Variants in NOTCH2 observed in about 807,000 individuals in gnomAD.
NOTCH2 encodes neurogenic locus notch homolog protein 2.
NOTCH2 carries 29 observed loss-of-function variants against 235.8 expected under a neutral mutation model. The ratio of observed to expected loss-of-function variants is 0.12; its 90% CI spans 0.09 to 0.17. The LOEUF is 0.17. Ranked by LOEUF, NOTCH2 falls within the 10% of genes least tolerant of loss-of-function variation. The pLI, the probability that NOTCH2 is intolerant of heterozygous loss-of-function variation, is 1.00. For missense variants in NOTCH2, 2,285 were observed against 3,150.2 expected (o/e 0.73, Z 6.57); for synonymous variants, 1,086 against 1,141.5 (o/e 0.95, Z 0.98).
intron 9 of NOTCH2, among the ~76,000 whole-genome samples, 199 bp downstream of exon 9, chr1:119,966,177 C>T (rs587697445): frequency 4.6e-5 from 7 of 152,312 alleles, no homozygotes; most frequent in Admixed American, 3.9e-4. Flanking sequence ...TAGACTTGGA[C>T]TTTTGGCCAC....
At chr1:119,916,844 C>G (rs1649097776) in intron 33 of NOTCH2, 150 bp from the exon 34 acceptor site, 3 of 814,404 alleles carry the variant, frequency 3.7e-6, no homozygotes, top group African/African-American at 1.7e-5. Context: ...GGCTGTGCCT[C>G]TACCAATGTA....
At chr1:119,950,951 C>A (rs1476985982) in intron 14 of NOTCH2, 114 bp from the exon 15 acceptor site, 11 of 747,362 alleles carry the variant, frequency 1.5e-5, no homozygotes, top group Non-Finnish European at 2.7e-5. Context: ...GCATTCATTT[C>A]TTCAGGCCAC....
chr1:119,929,286 TG>T (rs1649575328), intron 22 of NOTCH2, 74 bp from the exon 23 acceptor site: 2 of 1,243,540 alleles, frequency 1.6e-6, no homozygotes, highest in Admixed American at 3.4e-5. Context: ...TAACCACCCT[TG>T]TTGGCATTTT....
chr1:119,931,884 G>T (rs6688004), intron 22 of NOTCH2, among the ~76,000 whole-genome samples: 100,767 of 150,306 alleles, frequency 0.67, 40,534 homozygotes, highest in East Asian at 0.9. Flanking sequence ...AAAGAAAAAA[G>T]ATAAAAAAAT....
intron 7 of NOTCH2, 48 bp from the exon 8 acceptor site, chr1:119,967,669 C>T (rs782602011): frequency 1.3e-6 from 2 of 1,542,554 alleles, no homozygotes; most frequent in African/African-American, 1.4e-5. Flanking sequence ...GTTGAGTTTC[C>T]ACAAATGTGA....
chr1:119,938,114 A>C (rs1649925985), intron 19 of NOTCH2, 104 bp from the exon 20 acceptor site: 3 of 1,258,946 alleles, frequency 2.4e-6, no homozygotes, highest in Non-Finnish European at 3.4e-6. Context: ...CAAACTGATT[A>C]AAAAGAAAAA....
At chr1:119,986,247 T>C (rs1452613674) in intron 5 of NOTCH2, among the ~76,000 whole-genome samples, 1 of 152,194 alleles carries the variant, frequency 6.6e-6, no homozygotes, top group Non-Finnish European at 1.5e-5. Flanking sequence ...TAATCAGTTC[T>C]TAATTGTCTC....
At chr1:119,967,997 A>T (rs928740996) in intron 7 of NOTCH2, 80 bp downstream of exon 7, 1 of 1,528,394 alleles carries the variant, frequency 6.5e-7, no homozygotes, top group Non-Finnish European at 9.1e-7. Context: ...ATTTGCTTCT[A>T]CAGTAAAATG....
At chr1:120,033,410 C>CAAAAAAAAA (rs1221514390) in intron 1 of NOTCH2, among the ~76,000 whole-genome samples, 3 of 11,234 alleles carry the variant, frequency 2.7e-4, no homozygotes, top group African/African-American at 8.3e-4. Flanking sequence ...GACTCCATCT[C>CAAAAAAAAA]AAAAAAAAAA....
At chr1:119,940,047 G>T in intron 19 of NOTCH2, among the ~76,000 whole-genome samples, 1 of 152,164 alleles carries the variant, frequency 6.6e-6, no homozygotes, top group East Asian at 1.9e-4. Flanking sequence ...TAGATTAGTT[G>T]CCTATAAGGG....
intron 2 of NOTCH2, among the ~76,000 whole-genome samples, chr1:120,025,290 A>G (rs80112086): frequency 2.7e-3 from 406 of 151,536 alleles, no homozygotes; most frequent in African/African-American, 9.0e-3. Flanking sequence ...GGCTGAAAAG[A>G]CTGAGCAGAA....
intron 1 of NOTCH2, among the ~76,000 whole-genome samples, chr1:120,067,456 G>C (rs1319769077): frequency 1.3e-5 from 2 of 152,148 alleles, no homozygotes; most frequent in African/African-American, 2.4e-5. Context: ...CTATGTGTCA[G>C]AGTAATCCCA....
chr1:119,932,555 C>A (rs1343067033), intron 22 of NOTCH2, among the ~76,000 whole-genome samples: 4 of 152,126 alleles, frequency 2.6e-5, no homozygotes, highest in African/African-American at 9.7e-5. Flanking sequence ...CCATTGCACT[C>A]CAGCCTGGGC....
intron 3 of NOTCH2, among the ~76,000 whole-genome samples, chr1:119,999,174 G>T (rs1184892434): frequency 3.4e-5 from 5 of 148,788 alleles, no homozygotes; most frequent in Admixed American, 3.3e-4. Context: ...CTTTATAGCA[G>T]CACGATTTAT....
At chr1:119,948,938 CTGATAACCTGACCACTT>C (rs1258467960) in intron 16 of NOTCH2, 52 bp downstream of exon 16, 1 of 1,603,412 alleles carries the variant, frequency 6.2e-7, no homozygotes, top group African/African-American at 1.3e-5. Flanking sequence ...TCCATATGAT[CTGATAACCTGACCACTT>C]TGTTTAAAGT....
intron 24 of NOTCH2, 136 bp downstream of exon 24, chr1:119,926,363 A>C: frequency 1.3e-6 from 1 of 768,228 alleles, no homozygotes; most frequent in East Asian, 2.7e-5. Context: ...AAACCCAAGC[A>C]CTTTCCTCTG....
intron 2 of NOTCH2, among the ~76,000 whole-genome samples, chr1:120,017,808 T>TACAC (rs1231284059): frequency 6.7e-6 from 1 of 149,880 alleles, no homozygotes; most frequent in South Asian, 2.1e-4. Flanking sequence ...TGTGCAGACA[T>TACAC]ACACACACAC....
At chr1:119,930,041 G>C (rs1184198826) in intron 22 of NOTCH2, among the ~76,000 whole-genome samples, 1 of 152,126 alleles carries the variant, frequency 6.6e-6, no homozygotes, top group Non-Finnish European at 1.5e-5. Context: ...CAAGGTGCAG[G>C]TTTGGAGCCT....
intron 2 of NOTCH2, among the ~76,000 whole-genome samples, chr1:120,009,119 G>T (rs1258413049): frequency 6.6e-6 from 1 of 152,152 alleles, no homozygotes; most frequent in Admixed American, 6.5e-5. Flanking sequence ...CAAATGCAAA[G>T]GCCATAACAC....
Sources: allele counts gnomAD v4.1 joint callset (sites outside exome capture counted in the v4.1 genomes callset), GRCh38; gene constraint gnomAD v4.1.1; transcripts MANE v1.5; gene names NCBI Gene and HGNC (gene_info 2026-07-23, HGNC 2026-07-21).